PDSS2: variants seen among roughly 807,000 people sequenced by gnomAD.
PDSS2 encodes the protein all trans-polyprenyl-diphosphate synthase PDSS2.
A neutral mutation model predicts 44.5 loss-of-function variants in PDSS2; 31 were observed. The observed-to-expected ratio is 0.70, with a 90% CI of 0.52 to 0.94. PDSS2 has a LOEUF of 0.94. Ranked by LOEUF, PDSS2 falls within the 40% of genes least tolerant of loss-of-function variation. The pLI is 0.00. For synonymous variants in PDSS2, 157 were observed against 180.3 expected (o/e 0.87, Z 1.03); for missense variants, 452 against 482.2 (o/e 0.94, Z 0.59).
intron 4 of PDSS2, among the ~76,000 whole-genome samples, chr6:107,231,643 C>T (rs1398048584): frequency 6.6e-6 from 1 of 152,188 alleles, no homozygotes; most frequent in Admixed American, 6.5e-5. Flanking sequence ...CCAAATTCCT[C>T]AATACAAATG....
At chr6:107,450,453 A>G (rs1462628858) in intron 1 of PDSS2, among the ~76,000 whole-genome samples, 1 of 152,184 alleles carries the variant, frequency 6.6e-6, no homozygotes, top group Non-Finnish European at 1.5e-5. Flanking sequence ...AAGAAATAAC[A>G]CACAAAATCA....
chr6:107,385,238 C>T (rs1159086154), intron 1 of PDSS2, among the ~76,000 whole-genome samples: 1 of 152,156 alleles, frequency 6.6e-6, no homozygotes, highest in East Asian at 1.9e-4. Flanking sequence ...CATCCTTCTG[C>T]CTATAGTCCC....
At chr6:107,345,626 C>A (rs1778219369) in intron 1 of PDSS2, among the ~76,000 whole-genome samples, 1 of 151,120 alleles carries the variant, frequency 6.6e-6, no homozygotes, top group Non-Finnish European at 1.5e-5. Flanking sequence ...TATAGAGTAA[C>A]AGATAATACC....
rs137915975 is a variant in PDSS2, at chr6:107,226,787, G to A, written c.703-14505C>T. 5.1e-3 allele frequency among the ~76,000 whole-genome samples: 767 copies of A among 149,676 alleles called. 27 individuals are homozygous for A. The highest frequency in any genetic ancestry group is 0.039 in the Admixed American group (582 of 14,902). ...GGGGTTCAAGCGATTCTCCTGCCTC[G>A]GCCTCCTGAGTAGCTGGGATTACAG... On this transcript the variant is annotated intron_variant, in intron 4 of 7. Coordinates refer to ENST00000369037, the MANE Select transcript of PDSS2 (RefSeq NM_020381.4).
chr6:107,161,359 A>G (rs1771123474), intron 7 of PDSS2, among the ~76,000 whole-genome samples: 1 of 151,968 alleles, frequency 6.6e-6, no homozygotes, highest in Non-Finnish European at 1.5e-5. Context: ...GGGCGCCTGT[A>G]GTCCCAGCTA....
chr6:107,375,695 T>G (rs544737630), intron 1 of PDSS2, among the ~76,000 whole-genome samples: 1 of 152,212 alleles, frequency 6.6e-6, no homozygotes, highest in African/African-American at 2.4e-5. Context: ...AACCAGACAA[T>G]GACAACCCTG....
chr6:107,317,361 A>G (rs1777233844), intron 2 of PDSS2, among the ~76,000 whole-genome samples: 1 of 152,174 alleles, frequency 6.6e-6, no homozygotes, highest in African/African-American at 2.4e-5. Context: ...ACAAGAGATG[A>G]AGTGTGATAA....
rs1309897408 is a variant in PDSS2, at chr6:107,459,042, T to C, written c.244A>G (p.Met82Val). The change falls in exon 1 of 8, where the codon ATG (methionine) becomes GTG (valine). Residue 82 changes from methionine to valine, a missense_variant. Met to Val is a conservative substitution (Grantham distance 21, BLOSUM62 1). Transcript: ENST00000369037. The surrounding 1 kb of genome is among the most constrained non-coding windows in gnomAD (Gnocchi z 4.3). Reference protein sequence around the residue: ...LLSDELSNIAMQVRKLVGTQH... With the variant: ...LLSDELSNIAVQVRKLVGTQH... Reference sequence around the variant, plus strand: ...GTGCCCACCAGCTTCCGCACCTGCATAGCGATGTTGCTGAGCTCGTCGCTC... The same window carrying C: ...GTGCCCACCAGCTTCCGCACCTGCACAGCGATGTTGCTGAGCTCGTCGCTC... The C allele has an allele frequency of 6.2e-7, 1 of 1,613,904 alleles. No homozygotes were observed. Among genetic ancestry groups the C allele is most frequent in the Admixed American group, 1.7e-5 (1 of 59,986 alleles).
rs933308563 is a variant in PDSS2 at position 107,404,330 on chromosome 6, T to C, written c.296+54660A>G. On this transcript the variant is annotated intron_variant, in intron 1 of 7. Coordinates refer to ENST00000369037, the MANE Select transcript of PDSS2 (RefSeq NM_020381.4). ...TTTCCCACAACTTCCTGTCTTCTTC[T>C]GGGCCCTCCAAGCTCTTCCAGTCTC... 8.5e-5 allele frequency among the ~76,000 whole-genome samples: 13 copies of C among 152,230 alleles called. 1 individual carries two copies. Among genetic ancestry groups the C allele is most frequent in the African/African-American group, 2.9e-4 (12 of 41,464 alleles).
At chr6:107,387,274 C>T (rs1779641314) in intron 1 of PDSS2, among the ~76,000 whole-genome samples, 1 of 152,192 alleles carries the variant, frequency 6.6e-6, no homozygotes, top group Admixed American at 6.5e-5. Flanking sequence ...GCACCTGTAG[C>T]CTCTGACCTG....
At chr6:107,204,316 T>C (rs978473780) in intron 6 of PDSS2, among the ~76,000 whole-genome samples, 2 of 152,206 alleles carry the variant, frequency 1.3e-5, no homozygotes, top group Non-Finnish European at 2.9e-5. Flanking sequence ...GGCTGAGTAA[T>C]ATTCCATTGT....
chr6:107,382,818 C>T (rs1293870364), intron 1 of PDSS2, among the ~76,000 whole-genome samples: 2 of 152,058 alleles, frequency 1.3e-5, no homozygotes, highest in African/African-American at 4.8e-5. Flanking sequence ...TCCTGAGTGA[C>T]ACAGCAAGAC....
At chr6:107,297,015 A>G (rs1332355056) in intron 2 of PDSS2, among the ~76,000 whole-genome samples, 1 of 152,324 alleles carries the variant, frequency 6.6e-6, no homozygotes, top group South Asian at 2.1e-4. Context: ...GCCACCATCC[A>G]CAAAGCACTG....
intron 2 of PDSS2, among the ~76,000 whole-genome samples, chr6:107,326,227 C>T (rs969135563): frequency 1.3e-5 from 2 of 151,688 alleles, no homozygotes; most frequent in Non-Finnish European, 2.9e-5. Context: ...CTCAGCCTCC[C>T]GAGTAGCTGG....
chr6:107,156,395 C>T (rs9372151), intron 7 of PDSS2, among the ~76,000 whole-genome samples: 7,648 of 151,974 alleles, frequency 0.05, 502 homozygotes, highest in East Asian at 0.16. Context: ...AGGGTTTCAC[C>T]GTGTTAGCCA....
At chr6:107,302,657 AC>A (rs914706044) in intron 2 of PDSS2, among the ~76,000 whole-genome samples, 1 of 152,124 alleles carries the variant, frequency 6.6e-6, no homozygotes, top group Admixed American at 6.5e-5. Flanking sequence ...TCTTTAAAAA[AC>A]ATCACAATTA....
intron 2 of PDSS2, among the ~76,000 whole-genome samples, chr6:107,298,999 G>C (rs1249945044): frequency 1.3e-5 from 2 of 151,896 alleles, no homozygotes; most frequent in Non-Finnish European, 2.9e-5. Flanking sequence ...AAAATTAGCT[G>C]GTGTGATGGC....
intron 1 of PDSS2, among the ~76,000 whole-genome samples, chr6:107,413,902 G>C (rs960522215): frequency 4.6e-5 from 7 of 152,148 alleles, no homozygotes; most frequent in African/African-American, 1.7e-4. Flanking sequence ...GAATATGTAT[G>C]GGATAAACTG....
chr6:107,400,384 A>C (rs1780070764), intron 1 of PDSS2, among the ~76,000 whole-genome samples: 1 of 152,178 alleles, frequency 6.6e-6, no homozygotes, highest in African/African-American at 2.4e-5. Flanking sequence ...CAGAACCAAG[A>C]GGTGAATGTG....
Sources: gnomAD v4.1 joint callset for allele counts (sites outside exome capture counted in the v4.1 genomes callset) on GRCh38, gnomAD v4.1.1 for gene constraint, Gnocchi (gnomAD v3.1) non-coding constraint, MANE v1.5 for transcripts, NCBI Gene and HGNC (gene_info 2026-07-23, HGNC 2026-07-21) for gene names.